Variants in OSBPL8 observed in about 807,000 individuals in gnomAD.
OSBPL8 encodes the protein oxysterol-binding protein-related protein 8.
A neutral mutation model predicts 125.5 loss-of-function variants in OSBPL8; 59 were observed. That is an observed-to-expected ratio of 0.47 (90% CI 0.38 to 0.58). OSBPL8 has a LOEUF of 0.58. OSBPL8 is among the 20% of genes least tolerant of loss of function. The probability of loss-of-function intolerance (pLI) is 0.00; values close to 1 mark genes in which losing one functional copy is unlikely to be tolerated. For synonymous variants in OSBPL8, 330 were observed against 338.9 expected (o/e 0.97, Z 0.29); for missense variants, 758 against 1,047.8 (o/e 0.72, Z 3.82).
At chr12:76,359,914 C>T (rs975533607) in intron 21 of OSBPL8, among the ~76,000 whole-genome samples, 3 of 152,108 alleles carry the variant, frequency 2.0e-5, no homozygotes, top group African/African-American at 4.8e-5. Context: ...TCCCACAACA[C>T]GTGGGAATTA....
chr12:76,358,777 C>T lies in OSBPL8; in HGVS notation c.2363G>A (p.Arg788Lys). The change falls in exon 22 of 24, where the codon AGG (arginine) becomes AAG (lysine). Residue 788 changes from arginine to lysine, a missense_variant. By Grantham distance (26) the Arg-to-Lys change is conservative. Transcript: ENST00000261183. ...SVPKMKHKPTRQQKKVAKGYS... is the reference protein window; with the variant it reads ...SVPKMKHKPTKQQKKVAKGYS... ...GCCTTTTGCTACTTTCTTCTGTTGC[C>T]TGGTTGGCTTATGTTTCATTTTGGG... 3 of 1,614,014 alleles carry T rather than the reference C, an allele frequency of 1.9e-6. No homozygotes were observed. The highest frequency in any genetic ancestry group is 2.5e-6 in the Non-Finnish European group (3 of 1,179,962).
At chr12:76,465,003 C>A (rs899169390) in intron 2 of OSBPL8, among the ~76,000 whole-genome samples, 1 of 152,098 alleles carries the variant, frequency 6.6e-6, no homozygotes, top group African/African-American at 2.4e-5. Flanking sequence ...GTCTGTTCTT[C>A]GAACAGGAGT....
intron 1 of OSBPL8, among the ~76,000 whole-genome samples, chr12:76,502,589 C>T (rs756396800): frequency 1.3e-5 from 2 of 152,100 alleles, no homozygotes; most frequent in South Asian, 2.1e-4. Flanking sequence ...ATTTCAGATA[C>T]GATGGGATAA....
chr12:76,377,457 T>G (rs1952871712), intron 16 of OSBPL8, among the ~76,000 whole-genome samples: 1 of 152,216 alleles, frequency 6.6e-6, no homozygotes. Flanking sequence ...GACTTTTTAA[T>G]GATCACCATT....
intron 4 of OSBPL8, among the ~76,000 whole-genome samples, chr12:76,440,860 C>T (rs185864495): frequency 6.6e-6 from 1 of 152,146 alleles, no homozygotes. Flanking sequence ...ATGCTGGCTC[C>T]AGAGCTCATC....
chr12:76,402,041 T>C (rs1456304849), intron 6 of OSBPL8, among the ~76,000 whole-genome samples: 1 of 152,226 alleles, frequency 6.6e-6, no homozygotes, highest in Non-Finnish European at 1.5e-5. Flanking sequence ...TTAATAATTC[T>C]ATACCCTCAA....
intron 4 of OSBPL8, among the ~76,000 whole-genome samples, chr12:76,428,004 T>C (rs1016489469): frequency 6.6e-6 from 1 of 152,076 alleles, no homozygotes; most frequent in Non-Finnish European, 1.5e-5. Context: ...AATTATTTAC[T>C]ATGTTTTGGG....
intron 1 of OSBPL8, among the ~76,000 whole-genome samples, chr12:76,525,718 T>C (rs1950154180): frequency 6.6e-6 from 1 of 152,116 alleles, no homozygotes; most frequent in Non-Finnish European, 1.5e-5. Context: ...AAATAACTTA[T>C]CTTTGAGGGA....
intron 4 of OSBPL8, among the ~76,000 whole-genome samples, chr12:76,423,930 A>G (rs1300497076): frequency 6.6e-6 from 1 of 152,156 alleles, no homozygotes; most frequent in East Asian, 1.9e-4. Context: ...TTCATGCACA[A>G]CATCTCATAT....
At chr12:76,543,040 T>G (rs781756893) in intron 1 of OSBPL8, among the ~76,000 whole-genome samples, 15 of 152,210 alleles carry the variant, frequency 9.9e-5, no homozygotes, top group African/African-American at 2.7e-4. Context: ...TATATTGCCC[T>G]ATATTTCTTC....
intron 1 of OSBPL8, among the ~76,000 whole-genome samples, chr12:76,496,954 C>T (rs1036169038): frequency 1.3e-5 from 2 of 152,154 alleles, no homozygotes; most frequent in African/African-American, 4.8e-5. Flanking sequence ...GCTGGGATTA[C>T]AGACATGAGC....
At chr12:76,435,736 A>C (rs374075057) in intron 4 of OSBPL8, among the ~76,000 whole-genome samples, 2 of 152,186 alleles carry the variant, frequency 1.3e-5, no homozygotes, top group Admixed American at 6.5e-5. Context: ...GAAGGGAAAA[A>C]AATGAGTGAC....
At chr12:76,440,346 T>G (rs1467769118) in intron 4 of OSBPL8, among the ~76,000 whole-genome samples, 1 of 152,082 alleles carries the variant, frequency 6.6e-6, no homozygotes, top group Non-Finnish European at 1.5e-5. Context: ...GGTGACGGTA[T>G]TTTAGATTTT....
rs762831660 is a variant in OSBPL8 at position 76,386,675 on chromosome 12, G to A, written c.1353-15C>T. On this transcript the variant is annotated splice_polypyrimidine_tract_variant and intron_variant, in intron 12 of 23. Coordinates refer to ENST00000261183, the MANE Select transcript of OSBPL8 (RefSeq NM_020841.5). ...CAAGAGCTGCCCTAAAACACAAAAC[G>A]GTAAACAAAAATTTTAAAAAATGTA... is the stretch of plus-strand genomic sequence containing the variant. 18 of 1,568,458 alleles carry A rather than the reference G, an allele frequency of 1.1e-5. No individual in the cohort carries two copies. The highest frequency in any genetic ancestry group is 3.7e-5 in the Admixed American group (2 of 54,518).
intron 1 of OSBPL8, among the ~76,000 whole-genome samples, chr12:76,507,214 C>G (rs1592812421): frequency 6.6e-6 from 1 of 151,730 alleles, no homozygotes; most frequent in African/African-American, 2.4e-5. Context: ...TATACTTACC[C>G]TAACAAAGTT....
chr12:76,382,607 G>A (rs75814677), intron 15 of OSBPL8, among the ~76,000 whole-genome samples: 54 of 152,338 alleles, frequency 3.5e-4, no homozygotes, highest in Middle Eastern at 3.4e-3. Flanking sequence ...AGTCGGCTGG[G>A]TGCAGTGGCT....
Position 76,437,320 on chromosome 12 carries a change from A to C in OSBPL8, c.217+13531T>G, listed in dbSNP as rs570293773. On this transcript the variant is annotated intron_variant, in intron 4 of 23. Coordinates refer to ENST00000261183, the MANE Select transcript of OSBPL8 (RefSeq NM_020841.5). The stretch of plus-strand genomic sequence containing the variant: ...CACCTGTAATTATCAGACTTGAAAA[A>C]TTTTTTTGATGTGGTGGGTGGGTAT... Among the ~76,000 whole-genome samples, 3 of 152,166 alleles carry C rather than the reference A, an allele frequency of 2.0e-5. No individual in the cohort carries two copies. The East Asian group carries it at 5.8e-4, about 29-fold the overall frequency.
intron 21 of OSBPL8, among the ~76,000 whole-genome samples, chr12:76,368,599 C>T (rs976692690): frequency 6.6e-6 from 1 of 152,024 alleles, no homozygotes; most frequent in South Asian, 2.1e-4. Context: ...TTTCTTTCTC[C>T]TCCTCAGACT....
chr12:76,451,000 A>T lies in OSBPL8; in HGVS notation c.80-12T>A. On this transcript the variant is annotated splice_polypyrimidine_tract_variant and intron_variant, in intron 3 of 23. Coordinates refer to ENST00000261183, the MANE Select transcript of OSBPL8 (RefSeq NM_020841.5). Reference sequence around the variant, plus strand: ...GTTTGCTACAACAGCTCAAGGAAAGAAGGGAAAAATAATTAGTACTGAAGT... The same window carrying T: ...GTTTGCTACAACAGCTCAAGGAAAGTAGGGAAAAATAATTAGTACTGAAGT... 1 of 1,610,990 alleles carries T rather than the reference A, an allele frequency of 6.2e-7. No individual in the cohort carries two copies. Among genetic ancestry groups the T allele is most frequent in the Non-Finnish European group, 8.5e-7 (1 of 1,178,818 alleles).
Sources: gnomAD v4.1 joint callset for allele counts (sites outside exome capture counted in the v4.1 genomes callset) on GRCh38, gnomAD v4.1.1 for gene constraint, MANE v1.5 for transcripts, NCBI Gene and HGNC (gene_info 2026-07-23, HGNC 2026-07-21) for gene names.